The following MGST1 variants were observed in gnomAD, a reference collection of about 807,000 sequenced individuals.
The protein encoded by MGST1 is microsomal glutathione S-transferase 1.
Under a neutral mutation model 8.9 loss-of-function variants are expected in MGST1, and 5 were observed. The ratio of observed to expected loss-of-function variants is 0.56; its 90% CI spans 0.29 to 1.19. MGST1 has a LOEUF of 1.19. MGST1 is among the 50% of genes most tolerant of loss of function. The pLI, the probability that MGST1 is intolerant of heterozygous loss-of-function variation, is 0.08. For synonymous variants in MGST1, 54 were observed against 67.8 expected, an observed-to-expected ratio of 0.80 and a Z score of 1.00; for missense variants, 182 against 187.4, an observed-to-expected ratio of 0.97 and a Z score of 0.17.
chr12:16,472,003 G>T (rs1188595376), intron 4 of MGST1, among the ~76,000 whole-genome samples: 2 of 151,856 alleles, frequency 1.3e-5, no homozygotes, highest in Non-Finnish European at 2.9e-5. Flanking sequence ...AGTGCTCCAG[G>T]CATTTTGAAC....
chr12:16,562,654 G>A (rs2137352256), intron 4 of MGST1, among the ~76,000 whole-genome samples: 2 of 152,284 alleles, frequency 1.3e-5, no homozygotes, highest in Admixed American at 1.3e-4. Flanking sequence ...GATAAATGTG[G>A]CAAGTTCAGT....
downstream of MGST1, among the ~76,000 whole-genome samples, chr12:16,380,145 G>C (rs927141951): frequency 6.6e-6 from 1 of 152,022 alleles, no homozygotes; most frequent in Non-Finnish European, 1.5e-5. Flanking sequence ...ATTTCCTTCA[G>C]TTCTGCTCTG....
chr12:16,366,666 T>C (rs4562877), downstream of MGST1, among the ~76,000 whole-genome samples: 270 of 15,388 alleles, frequency 0.018, no homozygotes, highest in African/African-American at 0.046. The surrounding 1 kb of genome is among the most constrained non-coding windows in gnomAD (Gnocchi z 4.0). Flanking sequence ...CACACACACA[T>C]ACACACACAC....
At chr12:16,371,722 G>T (rs1940296700) in intron 3 of MGST1, among the ~76,000 whole-genome samples, 2 of 152,012 alleles carry the variant, frequency 1.3e-5, no homozygotes, top group Admixed American at 6.6e-5. Context: ...AAGATCATCA[G>T]CTAAAAAATA....
At chr12:16,393,206 T>C (rs1940569826) in intron 1 of MGST1, among the ~76,000 whole-genome samples, 7 of 152,246 alleles carry the variant, frequency 4.6e-5, no homozygotes. Flanking sequence ...AAGGGGGCCC[T>C]GATATTTTTG....
chr12:16,475,753 G>A (rs1541587), intron 4 of MGST1, among the ~76,000 whole-genome samples: 87,963 of 151,802 alleles, frequency 0.58, 25,762 homozygotes, highest in Non-Finnish European at 0.64. Flanking sequence ...TCTTACTTCA[G>A]GTATTTTAGA....
At chr12:16,348,267 G>C (rs1939289595) in intron 1 of MGST1, among the ~76,000 whole-genome samples, 1 of 152,158 alleles carries the variant, frequency 6.6e-6, no homozygotes, top group Non-Finnish European at 1.5e-5. Context: ...CGAAACAAGA[G>C]GATGTGGGTT....
In MGST1 at chr12:16,544,848, G is replaced by A. The variant is rs928672477; in HGVS notation, n.483-44680G>A. On this transcript the variant is annotated intron_variant and non_coding_transcript_variant, in intron 4 of 4. Transcript: ENST00000538857. The surrounding 1 kb of genome is among the most constrained non-coding windows in gnomAD (Gnocchi z 4.8). ...TAGGGAGGATGACTATTAAATTATC[G>A]GCTAACTTGATGTGCACTGGCTGAA... Among the ~76,000 whole-genome samples the A allele has an allele frequency of 3.3e-5, 5 of 151,888 alleles. No homozygotes were observed. Among genetic ancestry groups the A allele is most frequent in the African/African-American group, 1.2e-4 (5 of 41,394 alleles).
At chr12:16,445,678 A>G (rs1941074565) in intron 4 of MGST1, among the ~76,000 whole-genome samples, 1 of 151,824 alleles carries the variant, frequency 6.6e-6, no homozygotes, top group Non-Finnish European at 1.5e-5. Flanking sequence ...ACCTGAGGTC[A>G]TTTTATTCTG....
intron 4 of MGST1, among the ~76,000 whole-genome samples, chr12:16,531,692 C>G (rs1941724758): frequency 6.6e-6 from 1 of 152,056 alleles, no homozygotes; most frequent in South Asian, 2.1e-4. Context: ...AGACCTTGCA[C>G]TCAGAGAGAC....
chr12:16,541,288 A>G (rs1330022830), intron 4 of MGST1, among the ~76,000 whole-genome samples: 1 of 152,280 alleles, frequency 6.6e-6, no homozygotes, highest in East Asian at 1.9e-4. Context: ...TAGATTAGAA[A>G]TGATCTTCAG....
In MGST1 at chr12:16,497,867, G is replaced by A. The variant is rs1056649265; in HGVS notation, n.483-91661G>A. 7.2e-5 allele frequency among the ~76,000 whole-genome samples: 11 copies of A among 152,238 alleles called. No homozygotes were observed. Among genetic ancestry groups the A allele is most frequent in the Admixed American group, 3.3e-4 (5 of 15,284 alleles). ...TGGACATCTGTCCCCCAGAAATTCCGGAGTAGGGCTCAGGAATCTGCATTT... is the reference window on the plus strand; with the variant it reads ...TGGACATCTGTCCCCCAGAAATTCCAGAGTAGGGCTCAGGAATCTGCATTT... On this transcript the variant is annotated intron_variant and non_coding_transcript_variant, in intron 4 of 4. Transcript: ENST00000538857. The surrounding 1 kb of genome is among the most constrained non-coding windows in gnomAD (Gnocchi z 4.4).
At chr12:16,541,189 CT>C (rs1223322187) in intron 4 of MGST1, among the ~76,000 whole-genome samples, 2 of 152,038 alleles carry the variant, frequency 1.3e-5, no homozygotes, top group South Asian at 2.1e-4. Context: ...AATTAAATAA[CT>C]TTTTTTAGTA....
chr12:16,530,007 G>C (rs1591753118), intron 4 of MGST1, among the ~76,000 whole-genome samples: 1 of 152,118 alleles, frequency 6.6e-6, no homozygotes, highest in Non-Finnish European at 1.5e-5. Flanking sequence ...AAGCATTCCT[G>C]GTTGTTCTCT....
chr12:16,462,390 T>C (rs1211433600), intron 4 of MGST1, among the ~76,000 whole-genome samples: 1 of 152,166 alleles, frequency 6.6e-6, no homozygotes, highest in Admixed American at 6.5e-5. Context: ...GATCCATTAA[T>C]ATAATCTACA....
At chr12:16,512,596 C>T (rs1357586618) in intron 4 of MGST1, among the ~76,000 whole-genome samples, 2 of 152,108 alleles carry the variant, frequency 1.3e-5, no homozygotes, top group African/African-American at 2.4e-5. Context: ...TTCTTTTCAT[C>T]CCTAAAAATA....
downstream of MGST1, among the ~76,000 whole-genome samples, chr12:16,592,407 T>A (rs1476088000): frequency 6.6e-6 from 1 of 152,030 alleles, no homozygotes; most frequent in Non-Finnish European, 1.5e-5. Flanking sequence ...TTTCTTTGTA[T>A]CTCCCAAAGT....
intron 1 of MGST1, among the ~76,000 whole-genome samples, chr12:16,392,217 T>C (rs1940559395): frequency 6.6e-6 from 1 of 152,160 alleles, no homozygotes; most frequent in African/African-American, 2.4e-5. Context: ...TACTTGTCAA[T>C]CTTATCTCTA....
At chr12:16,455,460 A>G (rs1413078918) in intron 4 of MGST1, among the ~76,000 whole-genome samples, 1 of 151,738 alleles carries the variant, frequency 6.6e-6, no homozygotes, top group Non-Finnish European at 1.5e-5. Flanking sequence ...TTTTTCACCT[A>G]GCACAGCACT....
Sources: allele counts gnomAD v4.1 joint callset (sites outside exome capture counted in the v4.1 genomes callset), GRCh38; gene constraint gnomAD v4.1.1; non-coding constraint Gnocchi (gnomAD v3.1); transcripts MANE v1.5; gene names NCBI Gene and HGNC (gene_info 2026-07-23, HGNC 2026-07-21).